The following MPZL1 variants were observed in gnomAD, a reference collection of about 807,000 sequenced individuals.
The protein encoded by MPZL1 is myelin protein zero like 1.
In MPZL1, 16 loss-of-function variants were observed where a neutral mutation model predicts 29.3. That is an observed-to-expected ratio of 0.55 (90% CI 0.37 to 0.83). The LOEUF is 0.83. Ranked by LOEUF, MPZL1 falls within the 40% of genes least tolerant of loss-of-function variation. MPZL1 has a pLI of 0.00. For synonymous variants in MPZL1, 143 were observed against 132.0 expected, an observed-to-expected ratio of 1.08 and a Z score of -0.57; for missense variants, 279 against 332.9, an observed-to-expected ratio of 0.84 and a Z score of 1.26.
At chr1:167,772,072 A>G (rs113375030) in intron 2 of MPZL1, among the ~76,000 whole-genome samples, 7,934 of 152,226 alleles carry the variant, frequency 0.052, 249 homozygotes, top group Middle Eastern at 0.082. Context: ...GCAGCGAGCC[A>G]AGATCACGGC....
rs908785247 is a variant in MPZL1, at chr1:167,776,918, T to C, written c.708+752T>C. ...TGGATTTAAGAGGAAATAAAGAGAG[T>C]AACAGTGTTTTGTGGGAAAAGTACC... is the stretch of plus-strand genomic sequence containing the variant. On this transcript the variant is annotated intron_variant, in intron 5 of 5. Coordinates refer to ENST00000359523, the MANE Select transcript of MPZL1 (RefSeq NM_003953.6). 4.6e-5 allele frequency among the ~76,000 whole-genome samples: 7 copies of C among 152,120 alleles called. No individual in the cohort carries two copies. The East Asian group carries it at 1.2e-3, about 25-fold the overall frequency.
intron 5 of MPZL1, among the ~76,000 whole-genome samples, chr1:167,780,443 C>A (rs937763702): frequency 2.6e-5 from 4 of 152,126 alleles, no homozygotes; most frequent in African/African-American, 9.7e-5. Context: ...ATTTGTACAT[C>A]CATGTTCATA....
chr1:167,781,653 T>A (rs1269531761), intron 5 of MPZL1, among the ~76,000 whole-genome samples: 2 of 152,084 alleles, frequency 1.3e-5, no homozygotes, highest in Non-Finnish European at 2.9e-5. Context: ...TAGGCTTCTG[T>A]CTGAAGAAAC....
chr1:167,745,605 T>C (rs1484620506), intron 1 of MPZL1, among the ~76,000 whole-genome samples: 1 of 152,094 alleles, frequency 6.6e-6, no homozygotes, highest in African/African-American at 2.4e-5. Flanking sequence ...TTCTGTGTTT[T>C]GTCATATTCT....
intron 1 of MPZL1, among the ~76,000 whole-genome samples, chr1:167,758,991 A>G (rs1011940175): frequency 2.0e-5 from 3 of 152,204 alleles, no homozygotes; most frequent in African/African-American, 7.2e-5. Flanking sequence ...ATGTTTGTAT[A>G]TCATTTAATC....
chr1:167,754,959 T>G (rs1433628213), intron 1 of MPZL1, among the ~76,000 whole-genome samples: 2 of 152,188 alleles, frequency 1.3e-5, no homozygotes, highest in Non-Finnish European at 2.9e-5. Flanking sequence ...GCCTCTCCTA[T>G]TATTGGTATC....
chr1:167,739,290 T>C lies in MPZL1; in HGVS notation c.91+17048T>C, dbSNP rs189170941. ...ACATATATACATATATACATATATATATATATATATATATATATACACATA... is the reference window on the plus strand; with the variant it reads ...ACATATATACATATATACATATATACATATATATATATATATATACACATA... On this transcript the variant is annotated intron_variant, in intron 1 of 5. Coordinates refer to ENST00000359523, the MANE Select transcript of MPZL1 (RefSeq NM_003953.6). Among the ~76,000 whole-genome samples the C allele has an allele frequency of 2.9e-3, 273 of 92,622 alleles. 7 individuals carry two copies. The highest frequency in any genetic ancestry group is 0.011 in the African/African-American group (200 of 18,320). The allele number at this position is 92,622 out of a possible 152,430, so 60.8% of individuals were successfully genotyped here. A position where few individuals can be genotyped will look rare whatever the true frequency, so the allele number is the denominator to read the frequency against.
intron 1 of MPZL1, 99 bp downstream of exon 1, chr1:167,722,341 A>T: frequency 8.2e-7 from 1 of 1,226,818 alleles, no homozygotes; most frequent in Non-Finnish European, 1.0e-6. Context: ...GCGCACTGAG[A>T]GCCGAGGTGG....
intron 1 of MPZL1, among the ~76,000 whole-genome samples, chr1:167,729,662 G>A (rs911316808): frequency 1.3e-5 from 2 of 152,176 alleles, no homozygotes; most frequent in Admixed American, 1.3e-4. Context: ...GAAAGAGAGT[G>A]AGTGAGCAGT....
intron 1 of MPZL1, among the ~76,000 whole-genome samples, chr1:167,764,246 A>C (rs915953725): frequency 3.9e-5 from 6 of 152,176 alleles, no homozygotes; most frequent in Admixed American, 2.0e-4. Context: ...AGTATGTTCA[A>C]ATTAGCAATC....
intron 2 of MPZL1, among the ~76,000 whole-genome samples, chr1:167,766,657 G>A (rs1461944771): frequency 6.6e-6 from 1 of 152,132 alleles, no homozygotes; most frequent in African/African-American, 2.4e-5. Flanking sequence ...CTTCTGAATG[G>A]TGAGTTACAT....
At chr1:167,742,417 A>G (rs1353773820) in intron 1 of MPZL1, among the ~76,000 whole-genome samples, 3 of 152,162 alleles carry the variant, frequency 2.0e-5, no homozygotes, top group African/African-American at 7.2e-5. Context: ...ATACCTTAAT[A>G]GTATCTTTCA....
chr1:167,771,035 G>A (rs1045998117), intron 2 of MPZL1, among the ~76,000 whole-genome samples: 1 of 150,172 alleles, frequency 6.7e-6, no homozygotes, highest in African/African-American at 2.5e-5. Flanking sequence ...ATCATTCTTG[G>A]GTGTTTCTCG....
rs1571140404 is a variant in MPZL1, at chr1:167,739,292, T to TAC, written c.91+17051_91+17052insCA. Reference sequence around the variant, plus strand: ...ATATATACATATATACATATATATATATATATATATATATATACACATATA... The same window carrying TAC: ...ATATATACATATATACATATATATATACATATATATATATATATACACATATA... On this transcript the variant is annotated intron_variant, in intron 1 of 5. Coordinates refer to ENST00000359523, the MANE Select transcript of MPZL1 (RefSeq NM_003953.6). 3.6e-5 allele frequency among the ~76,000 whole-genome samples: 4 copies of TAC among 109,746 alleles called. No homozygotes were observed. In the East Asian group the frequency reaches 6.6e-4, roughly 18 times the overall value. The allele number at this position is 109,746 out of a possible 152,430, so 72.0% of individuals were successfully genotyped here.
At chr1:167,770,502 C>T (rs915170192) in intron 2 of MPZL1, among the ~76,000 whole-genome samples, 5 of 152,208 alleles carry the variant, frequency 3.3e-5, no homozygotes, top group Admixed American at 1.3e-4. Flanking sequence ...TTTCAAAAGC[C>T]GGCAAGAGTA....
chr1:167,777,566 A>C (rs1422340051), intron 5 of MPZL1, among the ~76,000 whole-genome samples: 1 of 145,838 alleles, frequency 6.9e-6, no homozygotes, highest in Non-Finnish European at 1.5e-5. Flanking sequence ...GTACCAAAGA[A>C]GGAACCATAG....
intron 2 of MPZL1, 80 bp from the exon 3 acceptor site, chr1:167,772,195 C>T: frequency 8.8e-7 from 1 of 1,137,142 alleles, no homozygotes; most frequent in East Asian, 2.5e-5. Flanking sequence ...TTTAAAAGAA[C>T]CTTTCATAGC....
chr1:167,745,792 C>T lies in MPZL1; in HGVS notation c.92-19791C>T, dbSNP rs148519968. ...TCTTAGATGCCAGAAGCCAGGGAGA[C>T]GCTGGAAAACAATTATTGAGATGTG... On this transcript the variant is annotated intron_variant, in intron 1 of 5. Transcript: ENST00000359523. Among the ~76,000 whole-genome samples, 5 of 152,060 alleles carry T rather than the reference C, an allele frequency of 3.3e-5. No homozygotes were observed. In the East Asian group the frequency reaches 5.8e-4, roughly 18 times the overall value.
intron 1 of MPZL1, among the ~76,000 whole-genome samples, chr1:167,738,099 G>C (rs1660416102): frequency 6.6e-6 from 1 of 151,982 alleles, no homozygotes; most frequent in African/African-American, 2.4e-5. Context: ...CTAATTTTTT[G>C]TATTTTTTTA....
Sources: allele counts gnomAD v4.1 joint callset (sites outside exome capture counted in the v4.1 genomes callset), GRCh38; gene constraint gnomAD v4.1.1; transcripts MANE v1.5; gene names NCBI Gene and HGNC (gene_info 2026-07-23, HGNC 2026-07-21).